KIAA0319: variants seen among roughly 807,000 people sequenced by gnomAD.
The protein encoded by KIAA0319 is dyslexia-associated protein KIAA0319.
KIAA0319 carries 83 observed loss-of-function variants against 108.4 expected under a neutral mutation model. The observed-to-expected ratio is 0.77, with a 90% CI of 0.64 to 0.92. KIAA0319 has a LOEUF of 0.92. KIAA0319 is among the 40% of genes least tolerant of loss of function. The pLI is 0.00. For synonymous variants in KIAA0319, 484 were observed against 510.4 expected, an observed-to-expected ratio of 0.95 and a Z score of 0.70; for missense variants, 1,195 against 1,322.4, an observed-to-expected ratio of 0.90 and a Z score of 1.49.
intron 3 of KIAA0319, among the ~76,000 whole-genome samples, chr6:24,592,531 G>A (rs1457925033): frequency 6.6e-6 from 1 of 152,156 alleles, no homozygotes; most frequent in African/African-American, 2.4e-5. Context: ...CTCCCAAGTA[G>A]CTGGGATTAC....
chr6:24,619,290 G>A (rs985563325), intron 1 of KIAA0319, among the ~76,000 whole-genome samples: 9 of 152,160 alleles, frequency 5.9e-5, no homozygotes, highest in Admixed American at 4.6e-4. Flanking sequence ...TAGCAGCTTC[G>A]GCAATAATCC....
intron 17 of KIAA0319, among the ~76,000 whole-genome samples, chr6:24,557,998 A>G (rs1163796598): frequency 6.6e-6 from 1 of 152,192 alleles, no homozygotes; most frequent in Non-Finnish European, 1.5e-5. Context: ...AGTATTAATA[A>G]AAATTTTCTT....
chr6:24,551,608 A>G, intron 19 of KIAA0319, 83 bp from the exon 20 acceptor site: 1 of 954,180 alleles, frequency 1.0e-6, no homozygotes, highest in Non-Finnish European at 1.7e-6. Flanking sequence ...AAAGACACTA[A>G]AGGAAACATT....
chr6:24,603,629 T>C (rs1770968935), intron 1 of KIAA0319, among the ~76,000 whole-genome samples: 1 of 152,160 alleles, frequency 6.6e-6, no homozygotes, highest in African/African-American at 2.4e-5. Flanking sequence ...TGCAGTACTT[T>C]TAGAAATGTG....
Position 24,588,703 on chromosome 6 carries a change from A to T in KIAA0319, c.884T>A (p.Val295Asp), listed in dbSNP as rs754330222. ...VTVEKSPVLT[V>D]TPGSTEHSIP... ...GCTGTGCTCTGTACTCCCCGGGGTG[A>T]CTGTGAGCACTGGGCTTTTCTCCAC... Residue 295 changes from valine to aspartate, a missense_variant, in exon 4 of 21, where the codon GTC (valine) becomes GAC (aspartate). Coordinates refer to ENST00000378214, the MANE Select transcript of KIAA0319 (RefSeq NM_014809.4). 15 of 1,613,882 alleles carry T rather than the reference A, an allele frequency of 9.3e-6. No individual in the cohort carries two copies. The Admixed American group carries it at 2.0e-4, about 22-fold the overall frequency.
chr6:24,588,837 C>T (rs760817685), intron 3 of KIAA0319, 52 bp from the exon 4 acceptor site: 9 of 1,441,738 alleles, frequency 6.2e-6, no homozygotes, highest in Non-Finnish European at 8.6e-6. Context: ...AACAGTCCAA[C>T]TCTTCAAGCA....
chr6:24,575,885 T>C (rs186126799), intron 10 of KIAA0319, among the ~76,000 whole-genome samples: 2 of 152,286 alleles, frequency 1.3e-5, no homozygotes, highest in Admixed American at 6.5e-5. Flanking sequence ...AGTTTCAAGA[T>C]TATTATGTTG....
intron 2 of KIAA0319, chr6:24,597,903 G>C (rs1769905231): frequency 9.3e-6 from 1 of 107,886 alleles, no homozygotes. Context: ...GGGTGACAGA[G>C]CAAGACCCTA....
chr6:24,553,306 C>T lies in KIAA0319; in HGVS notation c.2948+1235G>A, dbSNP rs893582295. 3.4e-3 allele frequency among the ~76,000 whole-genome samples: 373 copies of T among 108,374 alleles called. 1 individual carries two copies. Among genetic ancestry groups the T allele is most frequent in the African/African-American group, 0.014 (315 of 22,110 alleles). 71.1% of individuals were successfully genotyped at this position (108,374 alleles called of 152,430 possible). A position where few individuals can be genotyped will look rare whatever the true frequency, so the allele number is the denominator to read the frequency against. On this transcript the variant is annotated intron_variant, in intron 19 of 20. Coordinates refer to ENST00000378214, the MANE Select transcript of KIAA0319 (RefSeq NM_014809.4). The stretch of plus-strand genomic sequence containing the variant: ...ATATATATATATATACACACACACA[C>T]ACACACACACACACACACACACACA...
At chr6:24,608,472 A>G (rs1771761148) in intron 1 of KIAA0319, among the ~76,000 whole-genome samples, 3 of 152,088 alleles carry the variant, frequency 2.0e-5, no homozygotes, top group African/African-American at 7.2e-5. Context: ...AAATTTTTTG[A>G]AAAATGAGAT....
At chr6:24,551,267 C>A (rs919404591) in intron 20 of KIAA0319, among the ~76,000 whole-genome samples, 167 bp downstream of exon 20, 14 of 152,060 alleles carry the variant, frequency 9.2e-5, no homozygotes, top group African/African-American at 3.4e-4. Flanking sequence ...AGCCACTGGG[C>A]CCGGCCTGAA....
rs147931286 is a variant in KIAA0319, at chr6:24,588,625, A to G, written c.962T>C (p.Leu321Pro). 50 of 1,614,002 alleles carry G rather than the reference A, an allele frequency of 3.1e-5. No homozygotes were observed. The African/African-American group carries it at 4.0e-4, about 13-fold the overall frequency. The change falls in exon 4 of 21, where the codon CTA becomes CCA. Residue 321 changes from leucine (L) to proline (P), a missense_variant. Physicochemically the swap from Leu to Pro is moderately conservative, Grantham distance 98. Transcript: ENST00000378214. ...GGGAGCAGTGGTAGGAGATATGGGT[A>G]GCTCAGATGGGGTGGACTCAGAGGG... ...AAPSESTPSELPISPTTAPRT... is the reference protein window; with the variant it reads ...AAPSESTPSEPPISPTTAPRT...
chr6:24,588,296 C>A (rs1429844040), intron 4 of KIAA0319, among the ~76,000 whole-genome samples: 1 of 152,184 alleles, frequency 6.6e-6, no homozygotes, highest in Non-Finnish European at 1.5e-5. Context: ...ATCCCTGGAC[C>A]CTGTTAGTGG....
At chr6:24,591,171 G>T (rs533175973) in intron 3 of KIAA0319, among the ~76,000 whole-genome samples, 1 of 152,132 alleles carries the variant, frequency 6.6e-6, no homozygotes, top group Non-Finnish European at 1.5e-5. Context: ...TTTATGCATA[G>T]TACTGTTATG....
chr6:24,556,176 T>TC (rs71542685), intron 18 of KIAA0319, among the ~76,000 whole-genome samples: 1 of 113,016 alleles, frequency 8.8e-6, no homozygotes, highest in Non-Finnish European at 1.8e-5. Context: ...TTCCCTCCCC[T>TC]CCCCTCCTCT....
intron 4 of KIAA0319, among the ~76,000 whole-genome samples, chr6:24,586,011 C>T (rs1397990205): frequency 6.6e-6 from 1 of 152,160 alleles, no homozygotes; most frequent in Non-Finnish European, 1.5e-5. Context: ...ATCTCTTGAA[C>T]CTCGGAGGCA....
At chr6:24,628,765 G>A (rs6938069) in intron 1 of KIAA0319, among the ~76,000 whole-genome samples, 107,661 of 151,864 alleles carry the variant, frequency 0.71, 38,819 homozygotes, top group East Asian at 0.87. Context: ...TCAATCCTCG[G>A]CGTTCCTTTG....
At chr6:24,622,009 G>A (rs1408070606) in intron 1 of KIAA0319, among the ~76,000 whole-genome samples, 9 of 152,200 alleles carry the variant, frequency 5.9e-5, no homozygotes, top group Non-Finnish European at 1.5e-5. Flanking sequence ...CTGGGCCTGG[G>A]AGAAAAGGAG....
chr6:24,569,517 A>G (rs1055126797), intron 12 of KIAA0319, among the ~76,000 whole-genome samples: 1 of 152,246 alleles, frequency 6.6e-6, no homozygotes, highest in South Asian at 2.1e-4. Context: ...GGGTTCTATG[A>G]GACAGAGCAT....
Sources: allele counts gnomAD v4.1 joint callset (sites outside exome capture counted in the v4.1 genomes callset), GRCh38; gene constraint gnomAD v4.1.1; transcripts MANE v1.5; gene names NCBI Gene and HGNC (gene_info 2026-07-23, HGNC 2026-07-21).